The following HFE variants were observed in gnomAD, a reference collection of about 807,000 sequenced individuals.
HFE encodes homeostatic iron regulator, also known as hereditary hemochromatosis protein.
In HFE, 36 loss-of-function variants were observed where a neutral mutation model predicts 40.9. The observed-to-expected ratio is 0.88, with a 90% CI of 0.67 to 1.16. The LOEUF (loss-of-function observed/expected upper bound fraction) is 1.16, where lower values mean the gene tolerates loss of function less well. Ranked by LOEUF, HFE falls within the 50% of genes most tolerant of loss-of-function variation. The pLI, the probability that HFE is intolerant of heterozygous loss-of-function variation, is 0.00. For synonymous variants in HFE, 157 were observed against 165.4 expected (o/e 0.95, Z 0.39); for missense variants, 376 against 432.0 (o/e 0.87, Z 1.15).
In HFE at chr6:26,094,189, G is replaced by T. The variant is rs751707198; in HGVS notation, c.1010G>T (p.Gly337Val). 1.2e-5 allele frequency: 20 copies of T among 1,613,986 alleles called. 1 individual carries two copies. The East Asian group carries it at 4.5e-4, about 36-fold the overall frequency. ...CCTGGGTCTCTTGTCTCCACAGGAG[G>T]AGCCATGGGGCACTACGTCTTAGCT... ...IILRKRQGSR[G>V]AMGHYVLAER... Residue 337 changes from glycine to valine, a missense_variant, in exon 6 of 6, where the codon GGA (glycine) becomes GTA (valine). Transcript: ENST00000357618.
chr6:26,097,583 A>C lies in HFE; in HGVS notation c.*3357A>C, dbSNP rs1307209993. On this transcript the variant is annotated 3_prime_UTR_variant, in exon 6 of 6. Transcript: ENST00000357618. ...GGTGGAGGGGCGTGCACTGGAAATC[A>C]CTTGTAGAGAAAAGCCCCTGAAAAT... The C allele has an allele frequency of 2.0e-5, 3 of 152,180 alleles. No individual in the cohort carries two copies. Among genetic ancestry groups the C allele is most frequent in the Non-Finnish European group, 4.4e-5 (3 of 68,044 alleles). 9.4% of individuals were successfully genotyped at this position (152,180 alleles called of 1,614,324 possible).
At chr6:26,087,879 A>G (rs936206574) in intron 1 of HFE, among the ~76,000 whole-genome samples, 2 of 152,154 alleles carry the variant, frequency 1.3e-5, no homozygotes, top group African/African-American at 4.8e-5. Context: ...TTTATTTCCA[A>G]TGTCAGCTGT....
chr6:26,095,687 A>C lies in HFE; in HGVS notation c.*1461A>C, dbSNP rs1763001063. ...AAGGAGATGGCTCTTCTCTTGTCTCATTGTGTTTCTTCTGAGTGAGCTTGA... is the reference window on the plus strand; with the variant it reads ...AAGGAGATGGCTCTTCTCTTGTCTCCTTGTGTTTCTTCTGAGTGAGCTTGA... On this transcript the variant is annotated 3_prime_UTR_variant, in exon 6 of 6. Transcript: ENST00000357618. The C allele has an allele frequency of 6.6e-6, 1 of 152,138 alleles. No homozygotes were observed. The allele number at this position is 152,138 out of a possible 1,614,324, so 9.4% of individuals were successfully genotyped here.
In HFE at chr6:26,096,345, G is replaced by C. The variant is rs531320426; in HGVS notation, c.*2119G>C. The C allele has an allele frequency of 5.0e-6, 2 of 402,090 alleles. No individual in the cohort carries two copies. Among genetic ancestry groups the C allele is most frequent in the East Asian group, 1.5e-4 (2 of 13,656 alleles). The allele number at this position is 402,090 out of a possible 1,614,324, so 24.9% of individuals were successfully genotyped here. A position where few individuals can be genotyped will look rare whatever the true frequency, so the allele number is the denominator to read the frequency against. ...GACAGGGTTTCACCATGTTGGCCAG[G>C]CTGGTCTCGAACTCTCCTGACCTCG... On this transcript the variant is annotated 3_prime_UTR_variant, in exon 6 of 6. Coordinates refer to ENST00000357618, the MANE Select transcript of HFE (RefSeq NM_000410.4).
At chr6:26,091,992 A>G (rs1411143760) in intron 3 of HFE, among the ~76,000 whole-genome samples, 1 of 151,940 alleles carries the variant, frequency 6.6e-6, no homozygotes, top group Non-Finnish European at 1.5e-5. Flanking sequence ...CCTGACCAAC[A>G]TGGTGAAACC....
intron 3 of HFE, 52 bp downstream of exon 3, chr6:26,091,641 G>T: frequency 6.3e-7 from 1 of 1,594,418 alleles, no homozygotes; most frequent in Non-Finnish European, 8.6e-7. Context: ...GAGTGGAGGA[G>T]GTTGCAGGGC....
chr6:26,091,558 G>T lies in HFE; in HGVS notation c.585G>T (p.Leu195=). 6.2e-7 allele frequency: 1 copy of T among 1,613,636 alleles called. No individual in the cohort carries two copies. The highest frequency in any genetic ancestry group is 1.1e-5 in the South Asian group (1 of 91,060). Residue 195 remains leucine, a synonymous_variant, in exon 3 of 6, where the codon CTG becomes CTT. Coordinates refer to ENST00000357618, the MANE Select transcript of HFE (RefSeq NM_000410.4). ...RDCPAQLQQL[L]ELGRGVLDQQ... ...GCCCTGCACAGCTGCAGCAGTTGCT[G>T]GAGCTGGGGAGAGGTGTTTTGGACC...
chr6:26,092,993 A>G (rs374653524), intron 4 of HFE, 33 bp downstream of exon 4: 3 of 1,613,758 alleles, frequency 1.9e-6, no homozygotes, highest in Non-Finnish European at 2.5e-6. Flanking sequence ...GAGCTGAGAA[A>G]ATCTATTGGG....
chr6:26,087,598 T>G, intron 1 of HFE, 82 bp downstream of exon 1: 5 of 1,271,196 alleles, frequency 3.9e-6, no homozygotes, highest in Non-Finnish European at 5.6e-6. Flanking sequence ...CGCTTGGGAG[T>G]TTGCTAACTT....
At chr6:26,089,106 T>TGGGGGGGGGGGG (rs576461485) in intron 1 of HFE, among the ~76,000 whole-genome samples, 1 of 5,864 alleles carries the variant, frequency 1.7e-4, no homozygotes, top group African/African-American at 5.4e-4. Flanking sequence ...TGTGTGTGTG[T>TGGGGGGGGGGGG]GTGGGGGGGG....
At chr6:26,089,621 T>G (rs1175119281) in intron 1 of HFE, among the ~76,000 whole-genome samples, 1 of 152,128 alleles carries the variant, frequency 6.6e-6, no homozygotes, top group Non-Finnish European at 1.5e-5. Context: ...AGGAAGTTGC[T>G]GAAGGATTCT....
rs1420335740 is a variant in HFE at position 26,094,426 on chromosome 6, G to A, written c.*200G>A. The A allele has an allele frequency of 1.1e-5, 8 of 707,018 alleles. No homozygotes were observed. The allele number at this position is 707,018 out of a possible 1,614,324, so 43.8% of individuals were successfully genotyped here. On this transcript the variant is annotated 3_prime_UTR_variant, in exon 6 of 6. Transcript: ENST00000357618. ...TAGGTTTCTGAGTTCCTGCATGCCG[G>A]TGATCCCTAGCTGTGACCTCTCCCC...
chr6:26,095,618 C>G lies in HFE; in HGVS notation c.*1392C>G, dbSNP rs941968504. 2.6e-5 allele frequency: 4 copies of G among 152,148 alleles called. No individual in the cohort carries two copies. Among genetic ancestry groups the G allele is most frequent in the Admixed American group, 6.5e-5 (1 of 15,280 alleles). 9.4% of individuals were successfully genotyped at this position (152,148 alleles called of 1,614,324 possible). The stretch of plus-strand genomic sequence containing the variant: ...CTGACCGTTTGATACATCTCAGACA[C>G]CACTACATTCAGTAGTTTAGATGCC... On this transcript the variant is annotated 3_prime_UTR_variant, in exon 6 of 6. Transcript: ENST00000357618.
At chr6:26,091,639 G>T (rs753090000) in intron 3 of HFE, 50 bp downstream of exon 3, 2 of 1,596,068 alleles carry the variant, frequency 1.3e-6, no homozygotes, top group South Asian at 1.1e-5. Context: ...CAGAGTGGAG[G>T]AGGTTGCAGG....
At position 26,098,186 on chromosome 6, in the gene HFE, C is replaced by G. The variant is rs192918206; in HGVS notation, c.*3960C>G. On this transcript the variant is annotated 3_prime_UTR_variant, in exon 6 of 6. Transcript: ENST00000357618. ...GTTGACATCCTGCATGCATTTATTA[C>G]TTGATATGCATGCATTCTGGTATCT... 4 of 152,260 alleles carry G rather than the reference C, an allele frequency of 2.6e-5. No individual in the cohort carries two copies. The East Asian group carries it at 7.7e-4, about 29-fold the overall frequency. The allele number at this position is 152,260 out of a possible 1,614,324, so 9.4% of individuals were successfully genotyped here. A position where few individuals can be genotyped will look rare whatever the true frequency, so the allele number is the denominator to read the frequency against.
intron 1 of HFE, among the ~76,000 whole-genome samples, chr6:26,089,636 T>G (rs561401092): frequency 6.6e-6 from 1 of 152,218 alleles, no homozygotes; most frequent in Non-Finnish European, 1.5e-5. Context: ...GATTCTATGT[T>G]GTGTGAGAGA....
chr6:26,089,557 T>C (rs1007111754), intron 1 of HFE, among the ~76,000 whole-genome samples: 2 of 152,106 alleles, frequency 1.3e-5, no homozygotes, highest in Admixed American at 1.3e-4. Flanking sequence ...TGGAGTGGGC[T>C]GGGTGGGAAC....
rs764149314 is a variant in HFE at position 26,094,176 on chromosome 6, G to T, written c.1007-10G>T. 6.2e-7 allele frequency: 1 copy of T among 1,613,754 alleles called. No individual in the cohort carries two copies. The highest frequency in any genetic ancestry group is 1.3e-5 in the African/African-American group (1 of 75,032). On this transcript the variant is annotated splice_polypyrimidine_tract_variant and intron_variant, in intron 5 of 5. Transcript: ENST00000357618. ...GTGATGCCTCTTTCCTGGGTCTCTT[G>T]TCTCCACAGGAGGAGCCATGGGGCA...
In HFE at chr6:26,096,584, G is replaced by C. The variant is rs1763049583; in HGVS notation, c.*2358G>C. The stretch of plus-strand genomic sequence containing the variant: ...TACAGCTCAGAAGTTTCTTCTTTAG[G>C]CATTAAATTTTAGCAAAGATATCTC... On this transcript the variant is annotated 3_prime_UTR_variant, in exon 6 of 6. Transcript: ENST00000357618. The C allele has an allele frequency of 2.2e-6, 1 of 455,922 alleles. No individual in the cohort carries two copies. Among genetic ancestry groups the C allele is most frequent in the African/African-American group, 2.0e-5 (1 of 50,002 alleles). 28.2% of individuals were successfully genotyped at this position (455,922 alleles called of 1,614,324 possible).
Sources: gnomAD v4.1 joint callset for allele counts (sites outside exome capture counted in the v4.1 genomes callset) on GRCh38, gnomAD v4.1.1 for gene constraint, MANE v1.5 for transcripts, NCBI Gene and HGNC (gene_info 2026-07-23, HGNC 2026-07-21) for gene names.